Variants in SPOCK1 observed in about 807,000 individuals in gnomAD.
SPOCK1 encodes the protein testican-1.
In SPOCK1, 23 loss-of-function variants were observed where a neutral mutation model predicts 55.3. That is an observed-to-expected ratio of 0.42 (90% confidence interval 0.30 to 0.59). The LOEUF (loss-of-function observed/expected upper bound fraction) is 0.59. SPOCK1 is among the 20% of genes least tolerant of loss of function. The pLI, the probability that SPOCK1 is intolerant of heterozygous loss-of-function variation, is 0.22. For synonymous variants in SPOCK1, 226 were observed against 221.0 expected, an observed-to-expected ratio of 1.02 and a Z score of -0.20; for missense variants, 499 against 552.5, an observed-to-expected ratio of 0.90 and a Z score of 0.97.
intron 5 of SPOCK1, among the ~76,000 whole-genome samples, chr5:137,092,861 G>A (rs192316734): frequency 6.7e-4 from 102 of 152,238 alleles, no homozygotes; most frequent in Non-Finnish European, 1.2e-3. Flanking sequence ...TCACAGTCAC[G>A]GAGGCTGAGA....
At chr5:137,076,607 TAA>T (rs35285273) in intron 5 of SPOCK1, among the ~76,000 whole-genome samples, 21,838 of 112,496 alleles carry the variant, frequency 0.19, 1,900 homozygotes, top group Middle Eastern at 0.25. Flanking sequence ...GGACTGAAAG[TAA>T]AAAAAAAAAA....
intron 2 of SPOCK1, among the ~76,000 whole-genome samples, chr5:137,444,593 G>C (rs975676785): frequency 2.6e-5 from 4 of 152,104 alleles, no homozygotes; most frequent in Non-Finnish European, 4.4e-5. Flanking sequence ...TCAGCAACAA[G>C]CTCCTGAGAT....
intron 2 of SPOCK1, among the ~76,000 whole-genome samples, chr5:137,450,286 G>A (rs1490844827): frequency 6.6e-6 from 1 of 152,192 alleles, no homozygotes; most frequent in Non-Finnish European, 1.5e-5. Flanking sequence ...AATGATAGGT[G>A]TTAACCCACT....
intron 2 of SPOCK1, among the ~76,000 whole-genome samples, chr5:137,420,668 C>T (rs1180997264): frequency 6.6e-6 from 1 of 152,104 alleles, no homozygotes; most frequent in Non-Finnish European, 1.5e-5. Flanking sequence ...TGTATTGTGT[C>T]TATTTGATTC....
In SPOCK1 at chr5:136,978,746, C is replaced by G. The variant is rs1750667698; in HGVS notation, c.1228G>C (p.Glu410Gln). 1 of 1,614,052 alleles carries G rather than the reference C, an allele frequency of 6.2e-7. No homozygotes were observed. Among genetic ancestry groups the G allele is most frequent in the Non-Finnish European group, 8.5e-7 (1 of 1,180,040 alleles). The change falls in exon 11 of 11, where the codon GAG becomes CAG. Residue 410 changes from glutamate to glutamine, a missense_variant. By Grantham distance (29) the Glu-to-Gln change is conservative. Around this residue, in one of 3 missense-constraint regions of SPOCK1, gnomAD observed 83 missense variants for 87.5 expected, o/e 0.95. Transcript: ENST00000394945. ...CGGGTGTGCACCCTCAGCTTCCCCT[C>G]TTTGTCCTTTGGTCCCAGCTCCCGT... is the stretch of plus-strand genomic sequence containing the variant. ...YERELGPKDK[E>Q]GKLRVHTRAV...
At chr5:137,343,192 C>T (rs999367714) in intron 2 of SPOCK1, among the ~76,000 whole-genome samples, 4 of 152,236 alleles carry the variant, frequency 2.6e-5, no homozygotes, top group Non-Finnish European at 5.9e-5. Flanking sequence ...GAGGGTTTGG[C>T]TGTCCCCTCT....
chr5:137,021,195 T>G (rs916687892), intron 6 of SPOCK1, among the ~76,000 whole-genome samples: 6 of 152,160 alleles, frequency 3.9e-5, no homozygotes, highest in African/African-American at 1.4e-4. Flanking sequence ...GAATGCTACA[T>G]AACAGCAAAT....
chr5:137,498,956 C>T (rs1754378228), intron 1 of SPOCK1, among the ~76,000 whole-genome samples: 1 of 151,952 alleles, frequency 6.6e-6, no homozygotes, highest in Non-Finnish European at 1.5e-5. Context: ...GAGAACAGGG[C>T]TCCAGCAGCA....
intron 2 of SPOCK1, among the ~76,000 whole-genome samples, chr5:137,280,967 G>A (rs983400654): frequency 1.3e-5 from 2 of 151,970 alleles, no homozygotes; most frequent in African/African-American, 4.8e-5. Flanking sequence ...CCCACTGTAA[G>A]AAGAAGAGAA....
chr5:136,992,421 T>C, intron 7 of SPOCK1, 63 bp downstream of exon 7: 2 of 1,256,116 alleles, frequency 1.6e-6, no homozygotes, highest in South Asian at 3.0e-5. Flanking sequence ...CCCCAAATGA[T>C]ATTGCTAACC....
intron 6 of SPOCK1, among the ~76,000 whole-genome samples, chr5:137,039,771 GAGA>G (rs1281385966): frequency 2.6e-5 from 4 of 152,226 alleles, no homozygotes; most frequent in Non-Finnish European, 4.4e-5. Context: ...GGTCCTGAAA[GAGA>G]AGAACAGAGC....
intron 5 of SPOCK1, among the ~76,000 whole-genome samples, chr5:137,099,903 C>T (rs988974475): frequency 6.6e-6 from 1 of 152,186 alleles, no homozygotes; most frequent in East Asian, 1.9e-4. Flanking sequence ...CCTACCTCCC[C>T]ACCCCCCGGA....
intron 3 of SPOCK1, among the ~76,000 whole-genome samples, chr5:137,204,996 T>G (rs528422028): frequency 6.6e-6 from 1 of 152,300 alleles, no homozygotes; most frequent in South Asian, 2.1e-4. Flanking sequence ...AAAGATTTTC[T>G]CCTAAGAAGT....
chr5:137,286,492 C>T (rs1037415300), intron 2 of SPOCK1, among the ~76,000 whole-genome samples: 1 of 152,160 alleles, frequency 6.6e-6, no homozygotes, highest in Non-Finnish European at 1.5e-5. Context: ...AGTAACCAAG[C>T]ACCCTGGAGC....
At chr5:137,324,963 A>G (rs937043994) in intron 2 of SPOCK1, among the ~76,000 whole-genome samples, 2 of 78,200 alleles carry the variant, frequency 2.6e-5, no homozygotes, top group African/African-American at 1.3e-4. Flanking sequence ...CTCAATCCTG[A>G]AAAAAAAAAA....
At chr5:137,437,903 TA>T (rs1031876017) in intron 2 of SPOCK1, among the ~76,000 whole-genome samples, 2 of 152,286 alleles carry the variant, frequency 1.3e-5, no homozygotes, top group Non-Finnish European at 2.9e-5. Context: ...CATCAAACAG[TA>T]ACTCCCCATT....
At chr5:137,188,890 A>C (rs1419083256) in intron 3 of SPOCK1, among the ~76,000 whole-genome samples, 1 of 152,258 alleles carries the variant, frequency 6.6e-6, no homozygotes, top group African/African-American at 2.4e-5. Context: ...TGAACACACA[A>C]ATTACAGAAA....
chr5:137,010,017 G>T (rs1224025835), intron 6 of SPOCK1, among the ~76,000 whole-genome samples: 1 of 152,022 alleles, frequency 6.6e-6, no homozygotes, highest in Admixed American at 6.6e-5. Flanking sequence ...GTTCACCTGG[G>T]GAATCTTCTC....
At chr5:137,405,631 C>T (rs1434571848) in intron 2 of SPOCK1, among the ~76,000 whole-genome samples, 1 of 152,144 alleles carries the variant, frequency 6.6e-6, no homozygotes, top group Non-Finnish European at 1.5e-5. Context: ...CTCCAGATCG[C>T]CCCCAGCTAC....
Sources: allele counts gnomAD v4.1 joint callset (sites outside exome capture counted in the v4.1 genomes callset), GRCh38; gene constraint gnomAD v4.1.1; regional missense constraint gnomAD v4.1.1; transcripts MANE v1.5; gene names NCBI Gene and HGNC (gene_info 2026-07-23, HGNC 2026-07-21).